Variants in CAPN13 observed in about 807,000 individuals in gnomAD.
The protein encoded by CAPN13 is calpain 13.
CAPN13 carries 90 observed loss-of-function variants against 98.4 expected under a neutral mutation model. The ratio of observed to expected loss-of-function variants is 0.92; its 90% CI spans 0.77 to 1.09. The LOEUF is 1.09. Ranked by LOEUF, CAPN13 falls within the 50% of genes least tolerant of loss-of-function variation. The probability of loss-of-function intolerance (pLI) is 0.00; values close to 1 mark genes in which losing one functional copy is unlikely to be tolerated. For synonymous variants in CAPN13, 330 were observed against 305.5 expected (o/e 1.08, Z -0.84); for missense variants, 887 against 841.3 (o/e 1.05, Z -0.67).
At chr2:30,731,634 G>A (rs111370518) in intron 20 of CAPN13, among the ~76,000 whole-genome samples, 99 of 152,160 alleles carry the variant, frequency 6.5e-4, no homozygotes, top group Non-Finnish European at 1.3e-3. Context: ...CTGCCCACAC[G>A]CCTCTCCCTT....
intron 11 of CAPN13, among the ~76,000 whole-genome samples, chr2:30,747,089 T>C (rs1323608999): frequency 6.6e-6 from 1 of 152,234 alleles, no homozygotes; most frequent in African/African-American, 2.4e-5. Flanking sequence ...CTTGTAGGAA[T>C]GTCTGTGTGC....
rs537518367 is a variant in CAPN13, at chr2:30,763,754, G to C, written c.699+378C>G. Among the ~76,000 whole-genome samples, 8 of 152,326 alleles carry C rather than the reference G, an allele frequency of 5.3e-5. 1 individual carries two copies. In the East Asian group the frequency reaches 1.4e-3, roughly 26 times the overall value. ...CTGGGGGGCTCCGTGTAAACTTAAG[G>C]CAAAATACAAAGGAGCTGAAGCTGC... On this transcript the variant is annotated intron_variant, in intron 6 of 22. Coordinates refer to ENST00000295055, the MANE Select transcript of CAPN13 (RefSeq NM_144575.3).
chr2:30,732,513 T>C lies in CAPN13; in HGVS notation c.1852A>G (p.Arg618Gly). The change falls in exon 20 of 23, where the codon AGG becomes GGG. Residue 618 changes from arginine (R) to glycine (G), a missense_variant. Coordinates refer to ENST00000295055, the MANE Select transcript of CAPN13 (RefSeq NM_144575.3). ...ACCCTGCCGACGCTGTCGCTGTACC[T>C]GAGGGTCACCAGATGCAGCAGCTCA... is the stretch of plus-strand genomic sequence containing the variant. ...SRELLHLVTL[R>G]YSDSVGRVSF... 2 of 1,612,056 alleles carry C rather than the reference T, an allele frequency of 1.2e-6. No individual in the cohort carries two copies. Among genetic ancestry groups the C allele is most frequent in the Non-Finnish European group, 1.7e-6 (2 of 1,179,136 alleles).
rs949929798 is a variant in CAPN13, at chr2:30,738,285, C to A, written c.1603G>T (p.Gly535Trp). The A allele has an allele frequency of 6.2e-7, 1 of 1,613,814 alleles. No homozygotes were observed. The highest frequency in any genetic ancestry group is 8.5e-7 in the Non-Finnish European group (1 of 1,179,882). Residue 535 changes from glycine (G) to tryptophan (W), a missense_variant, in exon 17 of 23, where the codon GGG (glycine) becomes TGG (tryptophan). Physicochemically the swap from Gly to Trp is radical, Grantham distance 184. Transcript: ENST00000295055. ...CACTCATCTAAGGAGAACATGTCCC[C>A]TGGAGGTCCTGAGGAGAGAAGGACA... ...LNQELLTGPP[G>W]DMFSLDECRS...
At chr2:30,764,018 T>C in intron 6 of CAPN13, 114 bp downstream of exon 6, 2 of 1,027,472 alleles carry the variant, frequency 1.9e-6, no homozygotes, top group African/African-American at 1.6e-5. Flanking sequence ...ACGCTATCAG[T>C]GTTCGTTAAT....
Position 30,729,281 on chromosome 2 carries a change from C to T in CAPN13, c.*30+1449G>A, listed in dbSNP as rs72783012. On this transcript the variant is annotated intron_variant, in intron 22 of 22. Coordinates refer to ENST00000295055, the MANE Select transcript of CAPN13 (RefSeq NM_144575.3). ...GTGATTAATGAGGAAGCTAGGGAAG[C>T]GCTCCTGTGGCTGATGATAGGCATT... Among the ~76,000 whole-genome samples, 54 of 152,218 alleles carry T rather than the reference C, an allele frequency of 3.5e-4. No individual in the cohort carries two copies. In the East Asian group the frequency reaches 5.2e-3, roughly 15 times the overall value.
intron 7 of CAPN13, among the ~76,000 whole-genome samples, chr2:30,760,933 G>A (rs1481958166): frequency 1.3e-5 from 2 of 152,240 alleles, no homozygotes; most frequent in Non-Finnish European, 2.9e-5. Context: ...GGTGGCCCGA[G>A]TTATCTACCC....
chr2:30,771,201 T>C (rs1238695354), intron 4 of CAPN13, among the ~76,000 whole-genome samples: 1 of 152,134 alleles, frequency 6.6e-6, no homozygotes, highest in Non-Finnish European at 1.5e-5. Flanking sequence ...ATGAGGAAAA[T>C]TCATAACAAA....
chr2:30,756,112 G>A (rs942077479), intron 8 of CAPN13, among the ~76,000 whole-genome samples: 1 of 150,524 alleles, frequency 6.6e-6, no homozygotes, highest in Non-Finnish European at 1.5e-5. Flanking sequence ...TGCTAGATCC[G>A]TCTCCCCCAG....
intron 5 of CAPN13, among the ~76,000 whole-genome samples, chr2:30,764,963 C>T (rs1673040304): frequency 6.6e-6 from 1 of 152,154 alleles, no homozygotes; most frequent in South Asian, 2.1e-4. Context: ...ACTGGCTTAA[C>T]TGAAGGTAAC....
chr2:30,778,039 A>G (rs945120503), intron 2 of CAPN13, among the ~76,000 whole-genome samples: 1 of 152,244 alleles, frequency 6.6e-6, no homozygotes, highest in Non-Finnish European at 1.5e-5. Context: ...TAACTTTCAT[A>G]ATAAAGCTTT....
intron 12 of CAPN13, chr2:30,745,311 C>G (rs1671850134): frequency 2.1e-6 from 1 of 481,744 alleles, no homozygotes; most frequent in Non-Finnish European, 4.3e-6. Flanking sequence ...CAAGGATGTA[C>G]CTTGAAGCTG....
chr2:30,752,193 C>T (rs140189777), intron 10 of CAPN13, among the ~76,000 whole-genome samples: 2 of 152,220 alleles, frequency 1.3e-5, no homozygotes, highest in African/African-American at 4.8e-5. Context: ...GAGGGACACC[C>T]TGGGTTATGG....
chr2:30,789,254 G>A (rs1674483835), intron 1 of CAPN13, among the ~76,000 whole-genome samples: 1 of 152,230 alleles, frequency 6.6e-6, no homozygotes, highest in Non-Finnish European at 1.5e-5. Flanking sequence ...GAAGAGTTGT[G>A]AAAATCATGG....
chr2:30,768,310 G>A (rs1673210294), intron 5 of CAPN13, among the ~76,000 whole-genome samples: 1 of 152,252 alleles, frequency 6.6e-6, no homozygotes, highest in South Asian at 2.1e-4. Context: ...AGAAGGTAAA[G>A]ACAGAGGCAC....
At chr2:30,757,459 A>G (rs539231378) in intron 8 of CAPN13, among the ~76,000 whole-genome samples, 9 of 152,310 alleles carry the variant, frequency 5.9e-5, no homozygotes, top group African/African-American at 1.9e-4. Context: ...CTTTTCATTT[A>G]TATCCCAGGC....
At chr2:30,803,288 C>G (rs1458369158) in intron 1 of CAPN13, among the ~76,000 whole-genome samples, 1 of 152,228 alleles carries the variant, frequency 6.6e-6, no homozygotes, top group African/African-American at 2.4e-5. Context: ...TAGTGGGCCA[C>G]TGGGTGCATC....
intron 22 of CAPN13, among the ~76,000 whole-genome samples, 169 bp from the exon 23 acceptor site, chr2:30,723,405 C>A (rs147308148): frequency 8.5e-4 from 130 of 152,302 alleles, no homozygotes; most frequent in African/African-American, 3.0e-3. Flanking sequence ...CAGACCCCAA[C>A]GTGCCCATGG....
rs190413319 is a variant in CAPN13, at chr2:30,743,323, C to T, written c.1445+60G>A. ...GCACAGAGAACTGCCCATAATTACA[C>T]AATGTGTTTTTATAAAGTTAAGTAG... On this transcript the variant is annotated intron_variant, in intron 13 of 22. Coordinates refer to ENST00000295055, the MANE Select transcript of CAPN13 (RefSeq NM_144575.3). 247 of 1,442,284 alleles carry T rather than the reference C, an allele frequency of 1.7e-4. 3 individuals carry two copies. In the Admixed American group the frequency reaches 3.9e-3, roughly 23 times the overall value. The allele number at this position is 1,442,284 out of a possible 1,614,324, so 89.3% of individuals were successfully genotyped here.
Sources: gnomAD v4.1 joint callset for allele counts (sites outside exome capture counted in the v4.1 genomes callset) on GRCh38, gnomAD v4.1.1 for gene constraint, MANE v1.5 for transcripts, NCBI Gene and HGNC (gene_info 2026-07-23, HGNC 2026-07-21) for gene names.